The following CYYR1 variants were observed in gnomAD, a reference collection of about 807,000 sequenced individuals.
CYYR1 encodes cysteine and tyrosine-rich protein 1.
A neutral mutation model predicts 15.2 loss-of-function variants in CYYR1; 14 were observed. The ratio of observed to expected loss-of-function variants is 0.92; its 90% CI spans 0.61 to 1.44. The LOEUF (loss-of-function observed/expected upper bound fraction) is 1.44. Ranked by LOEUF, CYYR1 falls within the 40% of genes most tolerant of loss-of-function variation. The pLI is 0.00. For synonymous variants in CYYR1, 80 were observed against 77.4 expected (o/e 1.03, Z -0.18); for missense variants, 228 against 209.5 (o/e 1.09, Z -0.54).
intron 2 of CYYR1, among the ~76,000 whole-genome samples, chr21:26,537,405 T>C (rs144719708): frequency 1.3e-5 from 2 of 152,268 alleles, no homozygotes; most frequent in East Asian, 3.9e-4. Flanking sequence ...CTGGCTTTTA[T>C]TGCAATACTA....
At position 26,494,256 on chromosome 21, in the gene CYYR1, C is replaced by T. The variant is rs180808082; in HGVS notation, c.177-13827G>A. On this transcript the variant is annotated intron_variant, in intron 2 of 3. Coordinates refer to ENST00000652641, the MANE Select transcript of CYYR1 (RefSeq NM_001320768.2). ...AAAAGATTAGAAGTGAGTTAAATTTCGGTGTGATAATTAATTACAGTCCAA... is the reference window on the plus strand; with the variant it reads ...AAAAGATTAGAAGTGAGTTAAATTTTGGTGTGATAATTAATTACAGTCCAA... Among the ~76,000 whole-genome samples the T allele has an allele frequency of 4.0e-3, 605 of 152,218 alleles. 2 individuals are homozygous for T. The highest frequency in any genetic ancestry group is 5.7e-3 in the Non-Finnish European group (391 of 68,010).
At chr21:26,548,417 G>A (rs1400918760) in intron 2 of CYYR1, among the ~76,000 whole-genome samples, 1 of 152,198 alleles carries the variant, frequency 6.6e-6, no homozygotes, top group African/African-American at 2.4e-5. Context: ...CATGAGTATG[G>A]CTCATTACAG....
At chr21:26,492,691 C>T (rs2065344787) in intron 2 of CYYR1, among the ~76,000 whole-genome samples, 1 of 148,340 alleles carries the variant, frequency 6.7e-6, no homozygotes, top group Non-Finnish European at 1.5e-5. Flanking sequence ...GTTCTAGTGG[C>T]CATCTGTTCT....
At chr21:26,572,513 T>C (rs1250618844) in intron 1 of CYYR1, among the ~76,000 whole-genome samples, 1 of 152,248 alleles carries the variant, frequency 6.6e-6, no homozygotes, top group South Asian at 2.1e-4. Context: ...CCAGGACTAT[T>C]TAGAAAGCAG....
intron 2 of CYYR1, among the ~76,000 whole-genome samples, chr21:26,532,423 G>T (rs222942): frequency 0.76 from 115,781 of 152,090 alleles, 44,656 homozygotes; most frequent in East Asian, 0.89. Flanking sequence ...GGCAGATGAC[G>T]CTGGAGGAAA....
intron 2 of CYYR1, among the ~76,000 whole-genome samples, chr21:26,519,613 G>A (rs9984605): frequency 0.31 from 46,596 of 152,068 alleles, 7,909 homozygotes; most frequent in African/African-American, 0.46. Context: ...GTACTGAAGC[G>A]TTTTGAGCAG....
At chr21:26,528,056 A>C (rs1217182607) in intron 2 of CYYR1, among the ~76,000 whole-genome samples, 1 of 152,352 alleles carries the variant, frequency 6.6e-6, no homozygotes, top group South Asian at 2.1e-4. Context: ...CTTAGTCCAC[A>C]GTCAATCAAA....
chr21:26,486,548 G>C (rs563274804), intron 2 of CYYR1, among the ~76,000 whole-genome samples: 1 of 151,950 alleles, frequency 6.6e-6, no homozygotes, highest in African/African-American at 2.4e-5. Context: ...TCCCCCCATC[G>C]CATTGCTTTT....
chr21:26,471,453 G>T (rs1333457538), intron 3 of CYYR1: 1 of 152,196 alleles, frequency 6.6e-6, no homozygotes, highest in Non-Finnish European at 1.5e-5. Context: ...TATGGTTTAT[G>T]CAGCTGCATG....
At chr21:26,525,552 C>A (rs1012167546) in intron 2 of CYYR1, among the ~76,000 whole-genome samples, 2 of 152,142 alleles carry the variant, frequency 1.3e-5, no homozygotes, top group Non-Finnish European at 2.9e-5. Flanking sequence ...ATTTTTGGCC[C>A]ATGAAGATAT....
chr21:26,528,375 G>A (rs913512403), intron 2 of CYYR1, among the ~76,000 whole-genome samples: 2 of 152,122 alleles, frequency 1.3e-5, no homozygotes, highest in Non-Finnish European at 2.9e-5. Context: ...CCTCAGGAAT[G>A]GCTTGGTGCC....
chr21:26,572,858 CG>C lies in CYYR1; in HGVS notation c.73+9del. 6.2e-7 allele frequency: 1 copy of C among 1,613,482 alleles called. No individual in the cohort carries two copies. Among genetic ancestry groups the C allele is most frequent in the Non-Finnish European group, 8.5e-7 (1 of 1,179,782 alleles). On this transcript the variant is annotated intron_variant, in intron 1 of 3. Transcript: ENST00000652641. The stretch of plus-strand genomic sequence containing the variant: ...GCCTCTGACCCTCTCCGCCGCCCTC[CG>C]TCACTGACCTGCGTAGACAAAGAGC...
intron 2 of CYYR1, among the ~76,000 whole-genome samples, chr21:26,508,997 C>T (rs1055037849): frequency 3.3e-5 from 5 of 152,178 alleles, no homozygotes; most frequent in Non-Finnish European, 5.9e-5. Context: ...AATAACTGTT[C>T]AATGCCATAA....
At position 26,478,978 on chromosome 21, in the gene CYYR1, G is replaced by GGA. The variant is rs2065137637; in HGVS notation, c.334+1293_334+1294insTC. On this transcript the variant is annotated intron_variant, in intron 3 of 3. Transcript: ENST00000652641. ...TCCAACACTTGGATCAGAAATCCAA[G>GGA]TTTAGACATGTCAAATTTGGGATAT... Among the ~76,000 whole-genome samples the GGA allele has an allele frequency of 5.3e-5, 8 of 152,218 alleles. No individual in the cohort carries two copies. In the South Asian group the frequency reaches 1.7e-3, roughly 32 times the overall value.
At chr21:26,565,034 A>G (rs1980513034) in intron 2 of CYYR1, among the ~76,000 whole-genome samples, 2 of 152,200 alleles carry the variant, frequency 1.3e-5, no homozygotes, top group South Asian at 4.1e-4. Flanking sequence ...TCCATGAAGA[A>G]AAATTCAAAC....
chr21:26,530,568 C>T (rs2065919017), intron 2 of CYYR1, among the ~76,000 whole-genome samples: 1 of 151,992 alleles, frequency 6.6e-6, no homozygotes, highest in Non-Finnish European at 1.5e-5. Flanking sequence ...ACCCATCAAC[C>T]TGTCATCTAA....
intron 2 of CYYR1, among the ~76,000 whole-genome samples, chr21:26,521,101 G>A (rs1407241190): frequency 6.6e-6 from 1 of 152,136 alleles, no homozygotes; most frequent in South Asian, 2.1e-4. Flanking sequence ...CCTAGGTGAT[G>A]GGTTGATAGG....
At chr21:26,559,140 C>T (rs964981840) in intron 2 of CYYR1, among the ~76,000 whole-genome samples, 9 of 152,130 alleles carry the variant, frequency 5.9e-5, no homozygotes, top group East Asian at 1.9e-4. Context: ...ATCAGACTTA[C>T]GGAGTATTTG....
At chr21:26,570,437 G>A (rs1261286610) in intron 1 of CYYR1, among the ~76,000 whole-genome samples, 2 of 152,136 alleles carry the variant, frequency 1.3e-5, no homozygotes, top group East Asian at 3.9e-4. Context: ...GAAGGAAAGG[G>A]AGGAGACAGA....
Sources: gnomAD v4.1 joint callset for allele counts (sites outside exome capture counted in the v4.1 genomes callset) on GRCh38, gnomAD v4.1.1 for gene constraint, MANE v1.5 for transcripts, NCBI Gene and HGNC (gene_info 2026-07-23, HGNC 2026-07-21) for gene names.